The following CCDC38 variants were observed in gnomAD, a reference collection of about 807,000 sequenced individuals.
CCDC38 encodes coiled-coil domain containing 38.
Under a neutral mutation model 72.8 loss-of-function variants are expected in CCDC38, and 69 were observed. The ratio of observed to expected loss-of-function variants is 0.95; its 90% CI spans 0.78 to 1.16. CCDC38 has a LOEUF of 1.16. Among genes scored for constraint, CCDC38 ranks in the 50% most tolerant of loss-of-function variants. The pLI, the probability that CCDC38 is intolerant of heterozygous loss-of-function variation, is 0.00. For missense variants in CCDC38, 626 were observed against 638.9 expected, an observed-to-expected ratio of 0.98 and a Z score of 0.22; for synonymous variants, 201 against 213.2, an observed-to-expected ratio of 0.94 and a Z score of 0.50.
rs369800687 is a variant in CCDC38 at position 95,906,292 on chromosome 12, C to A, written c.369+95G>T. 33 of 855,580 alleles carry A rather than the reference C, an allele frequency of 3.9e-5. 1 individual carries two copies. The Middle Eastern group carries it at 6.7e-4, about 17-fold the overall frequency. 53.0% of individuals were successfully genotyped at this position (855,580 alleles called of 1,614,324 possible). A position where few individuals can be genotyped will look rare whatever the true frequency, so the allele number is the denominator to read the frequency against. ...ACCTGTTCAACCAATAGATTTGGGACATGTAATAGACAAGCAAAATGTCAA... is the reference window on the plus strand; with the variant it reads ...ACCTGTTCAACCAATAGATTTGGGAAATGTAATAGACAAGCAAAATGTCAA... On this transcript the variant is annotated intron_variant, in intron 5 of 15. Transcript: ENST00000344280.
At chr12:95,880,881 A>G (rs1232661490) in intron 11 of CCDC38, among the ~76,000 whole-genome samples, 1 of 152,160 alleles carries the variant, frequency 6.6e-6, no homozygotes, top group East Asian at 1.9e-4. Context: ...TAGAGTTTCT[A>G]TTTTGCAAAA....
At chr12:95,906,049 A>G (rs1268049698) in intron 5 of CCDC38, among the ~76,000 whole-genome samples, 1 of 152,240 alleles carries the variant, frequency 6.6e-6, no homozygotes, top group East Asian at 1.9e-4. Flanking sequence ...CTCAGGCACT[A>G]TCCTGGTCAT....
intron 4 of CCDC38, among the ~76,000 whole-genome samples, chr12:95,909,661 T>G (rs2080069490): frequency 6.6e-6 from 1 of 151,978 alleles, no homozygotes; most frequent in Non-Finnish European, 1.5e-5. Context: ...AAAAAAACAC[T>G]AGCAAACTGA....
At chr12:95,882,625 C>G (rs1305691258) in intron 10 of CCDC38, among the ~76,000 whole-genome samples, 1 of 152,180 alleles carries the variant, frequency 6.6e-6, no homozygotes, top group African/African-American at 2.4e-5. Context: ...CCACCCTTCT[C>G]TGCTCTTGGG....
At chr12:95,894,341 G>A (rs1592770644) in intron 8 of CCDC38, among the ~76,000 whole-genome samples, 1 of 152,202 alleles carries the variant, frequency 6.6e-6, no homozygotes, top group Admixed American at 6.5e-5. Context: ...GGGATTTCTA[G>A]GTATGGCTAC....
At chr12:95,919,005 A>C in intron 2 of CCDC38, 29 bp from the exon 3 acceptor site, 1 of 1,360,798 alleles carries the variant, frequency 7.3e-7, no homozygotes, top group Non-Finnish European at 1.1e-6. Flanking sequence ...TGAATGAATG[A>C]ATTCTGTCAT....
At chr12:95,885,258 A>T (rs1315866169) in intron 10 of CCDC38, 1 of 153,260 alleles carries the variant, frequency 6.5e-6, no homozygotes, top group African/African-American at 2.4e-5. Context: ...TAAGACACAG[A>T]TCTTCAGTGG....
chr12:95,916,369 T>TTGCC (rs200897943), intron 4 of CCDC38, among the ~76,000 whole-genome samples: 402 of 137,624 alleles, frequency 2.9e-3, no homozygotes, highest in African/African-American at 5.7e-3. Context: ...TTTTTTTAAG[T>TTGCC]TGCCTGCCTG....
At chr12:95,899,548 C>T (rs916584797) in intron 5 of CCDC38, among the ~76,000 whole-genome samples, 2 of 152,206 alleles carry the variant, frequency 1.3e-5, no homozygotes, top group African/African-American at 4.8e-5. Flanking sequence ...ATCCACCTGC[C>T]TTGGCCTCCC....
upstream of CCDC38, chr12:95,943,062 A>C: frequency 4.1e-6 from 1 of 244,316 alleles, no homozygotes; most frequent in Non-Finnish European, 7.9e-6. Flanking sequence ...CACGTGATCC[A>C]CACAGCTCAC....
chr12:95,869,181 A>G (rs1424385713), intron 15 of CCDC38, among the ~76,000 whole-genome samples: 1 of 152,214 alleles, frequency 6.6e-6, no homozygotes, highest in Non-Finnish European at 1.5e-5. Flanking sequence ...ACTTTGAACA[A>G]TATGCTTTTA....
chr12:95,898,263 C>T, intron 7 of CCDC38, 122 bp downstream of exon 7: 6 of 948,154 alleles, frequency 6.3e-6, no homozygotes, highest in Non-Finnish European at 1.0e-5. Context: ...TTTTAAAATT[C>T]GTTCATACTT....
At chr12:95,930,773 A>G (rs1171049027) in intron 2 of CCDC38, among the ~76,000 whole-genome samples, 1 of 152,130 alleles carries the variant, frequency 6.6e-6, no homozygotes, top group Non-Finnish European at 1.5e-5. Flanking sequence ...GTCTCATTCT[A>G]CCAGCTCTTT....
intron 10 of CCDC38, among the ~76,000 whole-genome samples, chr12:95,886,759 T>G (rs553013888): frequency 2.6e-5 from 4 of 152,112 alleles, no homozygotes; most frequent in Non-Finnish European, 5.9e-5. Context: ...CCTACCAGAA[T>G]AGTTAAAATA....
rs138096831 is a variant in CCDC38 at position 95,878,308 on chromosome 12, A to G, written c.1181T>C (p.Met394Thr). 3.7e-6 allele frequency: 6 copies of G among 1,613,314 alleles called. No individual in the cohort carries two copies. Among genetic ancestry groups the G allele is most frequent in the Non-Finnish European group, 5.1e-6 (6 of 1,179,736 alleles). Reference sequence around the variant, plus strand: ...TTCTCTCACACAGTTAGCTTTAAGCATTTTTTCTTGCTCCAAAAGAAACTC... The same window carrying G: ...TTCTCTCACACAGTTAGCTTTAAGCGTTTTTTCTTGCTCCAAAAGAAACTC... ...NIEFLLEQEK[M>T]LKANCVREEE... Residue 394 changes from methionine (M) to threonine (T), a missense_variant, in exon 13 of 16, where the codon ATG becomes ACG. Met to Thr is a moderately conservative substitution (Grantham distance 81, BLOSUM62 -1). Coordinates refer to ENST00000344280, the MANE Select transcript of CCDC38 (RefSeq NM_182496.3).
chr12:95,921,123 C>T (rs2080202468), intron 2 of CCDC38, among the ~76,000 whole-genome samples: 1 of 145,688 alleles, frequency 6.9e-6, no homozygotes, highest in African/African-American at 2.5e-5. Flanking sequence ...AGTGAAACTC[C>T]ATCTCAAAAA....
chr12:95,906,355 C>A (rs1449997784), intron 5 of CCDC38, 32 bp downstream of exon 5: 1 of 1,465,236 alleles, frequency 6.8e-7, no homozygotes, highest in East Asian at 2.3e-5. Context: ...AAGTCTTCCA[C>A]TTGGCTAGGG....
chr12:95,869,392 C>T, intron 15 of CCDC38, 88 bp downstream of exon 15: 1 of 954,740 alleles, frequency 1.0e-6, no homozygotes, highest in Admixed American at 2.3e-5. Flanking sequence ...TGAAGTTCAA[C>T]CTGGATAAGT....
chr12:95,937,436 T>TTAC (rs1271610097), intron 1 of CCDC38, among the ~76,000 whole-genome samples: 1 of 152,254 alleles, frequency 6.6e-6, no homozygotes, highest in African/African-American at 2.4e-5. Flanking sequence ...TTCACTGGCC[T>TTAC]TACCCTAATC....
Sources: allele counts gnomAD v4.1 joint callset (sites outside exome capture counted in the v4.1 genomes callset), GRCh38; gene constraint gnomAD v4.1.1; transcripts MANE v1.5; gene names NCBI Gene and HGNC (gene_info 2026-07-23, HGNC 2026-07-21).